Variants in PFKFB4 observed in about 807,000 individuals in gnomAD.
The protein encoded by PFKFB4 is 6-phosphofructo-2-kinase/fructose-2,6-bisphosphatase 4.
PFKFB4 carries 42 observed loss-of-function variants against 62.8 expected under a neutral mutation model. The ratio of observed to expected loss-of-function variants is 0.67; its 90% CI spans 0.52 to 0.86. The LOEUF is 0.86. PFKFB4 is among the 40% of genes least tolerant of loss of function. PFKFB4 has a pLI of 0.00. For missense variants in PFKFB4, 475 were observed against 627.2 expected (o/e 0.76, Z 2.59); for synonymous variants, 204 against 240.7 (o/e 0.85, Z 1.41).
Position 48,536,356 on chromosome 3 carries a change from A to T in PFKFB4, c.740T>A (p.Val247Glu), listed in dbSNP as rs2042614420. 1 of 1,614,090 alleles carries T rather than the reference A, an allele frequency of 6.2e-7. No individual in the cohort carries two copies. The highest frequency in any genetic ancestry group is 1.3e-5 in the African/African-American group (1 of 74,938). ...RIVYYLMNIH[V>E]TPRSIYLCRH... ...GCAGAGGTAGATGGAGCGGGGGGTC[A>T]CGTGGATGTTCATGAGGTAATATAC... The change falls in exon 8 of 14, where the codon GTG becomes GAG. Residue 247 changes from valine (V) to glutamate (E), a missense_variant. Coordinates refer to ENST00000232375, the MANE Select transcript of PFKFB4 (RefSeq NM_004567.4).
intron 13 of PFKFB4, among the ~76,000 whole-genome samples, chr3:48,520,725 T>C (rs988108372): frequency 6.6e-6 from 1 of 152,150 alleles, no homozygotes; most frequent in Non-Finnish European, 1.5e-5. Context: ...TCCAGGAACC[T>C]GGGGTTAGTA....
At chr3:48,536,851 G>A (rs372158014) in intron 7 of PFKFB4, 17 of 186,054 alleles carry the variant, frequency 9.1e-5, no homozygotes, top group African/African-American at 3.0e-4. Flanking sequence ...CAGTTTTCCC[G>A]AGGGTTGTTG....
rs903886121 is a variant in PFKFB4 at position 48,519,604 on chromosome 3, G to C, written c.*143C>G. The C allele has an allele frequency of 9.0e-6, 6 of 666,074 alleles. No homozygotes were observed. Among genetic ancestry groups the C allele is most frequent in the African/African-American group, 8.9e-5 (5 of 55,908 alleles). 41.3% of individuals were successfully genotyped at this position (666,074 alleles called of 1,614,324 possible). On this transcript the variant is annotated 3_prime_UTR_variant, in exon 14 of 14. Transcript: ENST00000232375. ...AACAAAGAGCCAGGTGGGCTGGGGT[G>C]GGGGCTCTGGGTTCCGCCAGCCATG... is the stretch of plus-strand genomic sequence containing the variant.
Position 48,525,650 on chromosome 3 carries a change from G to A in PFKFB4, c.1007C>T (p.Thr336Ile). ...EIDAGVCEEM[T>I]YEEIQDNYPL... ...ATAATTATCCTGAATTTCCTCGTAGGTCATTTCCTCACAGACGCCCTAGGG... is the reference window on the plus strand; with the variant it reads ...ATAATTATCCTGAATTTCCTCGTAGATCATTTCCTCACAGACGCCCTAGGG... Residue 336 changes from threonine (T) to isoleucine (I), a missense_variant, in exon 10 of 14, where the codon ACC (threonine) becomes ATC (isoleucine). Transcript: ENST00000232375. The A allele has an allele frequency of 6.2e-7, 1 of 1,605,448 alleles. No individual in the cohort carries two copies. The highest frequency in any genetic ancestry group is 2.3e-5 in the East Asian group (1 of 43,964).
chr3:48,526,402 G>A (rs868015570), intron 9 of PFKFB4, among the ~76,000 whole-genome samples: 21 of 151,776 alleles, frequency 1.4e-4, no homozygotes, highest in Middle Eastern at 6.8e-3. Context: ...ATGAATCCCC[G>A]TCTCTACTAA....
intron 4 of PFKFB4, among the ~76,000 whole-genome samples, chr3:48,540,860 C>T (rs1441210185): frequency 3.3e-5 from 5 of 149,254 alleles, no homozygotes; most frequent in South Asian, 2.1e-4. Context: ...CTGCAACCTC[C>T]GCCTACTGGG....
chr3:48,532,512 C>T lies in PFKFB4; in HGVS notation c.987+3000G>A, dbSNP rs145070171. On this transcript the variant is annotated intron_variant, in intron 9 of 13. Transcript: ENST00000232375. ...GTCCATTGGCAGATGAATGGATACA[C>T]GAAATGTGGTATACAATAGAATCTT... Among the ~76,000 whole-genome samples the T allele has an allele frequency of 4.6e-4, 70 of 152,132 alleles. 1 individual carries two copies. Among genetic ancestry groups the T allele is most frequent in the African/African-American group, 1.6e-3 (67 of 41,494 alleles).
chr3:48,559,612 T>C (rs1358867025), upstream of PFKFB4: 1 of 456,924 alleles, frequency 2.2e-6, no homozygotes. Flanking sequence ...TCATGGCTTT[T>C]TCCTCCTCAG....
At chr3:48,555,541 G>C (rs2043286295) in intron 1 of PFKFB4, among the ~76,000 whole-genome samples, 1 of 152,160 alleles carries the variant, frequency 6.6e-6, no homozygotes. Flanking sequence ...CTGAGGTGCT[G>C]GACAAGCTGC....
chr3:48,535,038 A>C (rs1327204315), intron 9 of PFKFB4, among the ~76,000 whole-genome samples: 1 of 152,056 alleles, frequency 6.6e-6, no homozygotes, highest in Non-Finnish European at 1.5e-5. Context: ...CAAACTCCTG[A>C]CTTGAGGTGA....
At chr3:48,554,841 A>G (rs2043263165) in intron 1 of PFKFB4, among the ~76,000 whole-genome samples, 1 of 152,118 alleles carries the variant, frequency 6.6e-6, no homozygotes, top group South Asian at 2.1e-4. Context: ...CATTAGAGAT[A>G]ACGAATTCAA....
chr3:48,539,564 C>T, intron 5 of PFKFB4, 133 bp downstream of exon 5: 1 of 835,064 alleles, frequency 1.2e-6, no homozygotes, highest in South Asian at 1.5e-5. Context: ...GAGACAGCCC[C>T]TCTCATCCCA....
At chr3:48,539,991 G>A (rs2042750610) in intron 4 of PFKFB4, among the ~76,000 whole-genome samples, 3 of 152,232 alleles carry the variant, frequency 2.0e-5, no homozygotes, top group African/African-American at 7.2e-5. Flanking sequence ...CCCCAAGGAA[G>A]TTAGAAGGAG....
Position 48,543,120 on chromosome 3 carries a change from T to C in PFKFB4, c.378+460A>G, listed in dbSNP as rs919478526. 5.3e-5 allele frequency among the ~76,000 whole-genome samples: 8 copies of C among 152,084 alleles called. No homozygotes were observed. The South Asian group carries it at 1.7e-3, about 31-fold the overall frequency. On this transcript the variant is annotated intron_variant, in intron 4 of 13. Transcript: ENST00000232375. ...ACTATATAAGGCTGGGGTAGAGCCGTTTCCCACAGACACCCCAGTTTAGCC... is the reference window on the plus strand; with the variant it reads ...ACTATATAAGGCTGGGGTAGAGCCGCTTCCCACAGACACCCCAGTTTAGCC...
upstream of PFKFB4, among the ~76,000 whole-genome samples, chr3:48,558,795 G>A (rs995219278): frequency 6.6e-6 from 1 of 152,138 alleles, no homozygotes; most frequent in South Asian, 2.1e-4. Context: ...ATCCATGGGC[G>A]GCTCCTGATG....
In PFKFB4 at chr3:48,543,725, G is replaced by A. The variant is rs1575388306; in HGVS notation, c.312-79C>T. 4.6e-6 allele frequency: 5 copies of A among 1,081,682 alleles called. No homozygotes were observed. In the East Asian group the frequency reaches 1.2e-4, roughly 27 times the overall value. 67.0% of individuals were successfully genotyped at this position (1,081,682 alleles called of 1,614,324 possible). A position where few individuals can be genotyped will look rare whatever the true frequency, so the allele number is the denominator to read the frequency against. On this transcript the variant is annotated intron_variant, in intron 3 of 13. Coordinates refer to ENST00000232375, the MANE Select transcript of PFKFB4 (RefSeq NM_004567.4). ...GGTGGCCAGGGACACACAACAGGAG[G>A]AGACATGACAGGAGAAGGAACAGCC...
intron 9 of PFKFB4, chr3:48,525,902 C>T (rs950538190): frequency 4.8e-5 from 17 of 350,542 alleles, no homozygotes; most frequent in Non-Finnish European, 8.3e-5. Context: ...ATCACCCATC[C>T]AATACACACA....
chr3:48,525,444 C>G, intron 10 of PFKFB4, 121 bp downstream of exon 10: 1 of 550,340 alleles, frequency 1.8e-6, no homozygotes, highest in Non-Finnish European at 3.3e-6. Flanking sequence ...TGGCAGGCCT[C>G]TGAGACCAGG....
upstream of PFKFB4, chr3:48,562,594 G>A (rs188088455): frequency 1.8e-4 from 114 of 618,004 alleles, no homozygotes; most frequent in Non-Finnish European, 3.0e-4. The surrounding 1 kb of genome is among the most constrained non-coding windows in gnomAD (Gnocchi z 4.3). Flanking sequence ...CTGTGACTCT[G>A]TGGGGCACTC....
Sources: gnomAD v4.1 joint callset for allele counts (sites outside exome capture counted in the v4.1 genomes callset) on GRCh38, gnomAD v4.1.1 for gene constraint, Gnocchi (gnomAD v3.1) non-coding constraint, MANE v1.5 for transcripts, NCBI Gene and HGNC (gene_info 2026-07-23, HGNC 2026-07-21) for gene names.